ARL6IP6: variants seen among roughly 807,000 people sequenced by gnomAD.
ARL6IP6 encodes ARF like GTPase 6 interacting protein 6, also known as ADP-ribosylation factor-like protein 6-interacting protein 6.
A neutral mutation model predicts 21.5 loss-of-function variants in ARL6IP6; 22 were observed. The ratio of observed to expected loss-of-function variants is 1.02; its 90% CI spans 0.73 to 1.46. The LOEUF (loss-of-function observed/expected upper bound fraction) is 1.46, where lower values mean the gene tolerates loss of function less well. Among genes scored for constraint, ARL6IP6 ranks in the 40% most tolerant of loss-of-function variants. The pLI, the probability that ARL6IP6 is intolerant of heterozygous loss-of-function variation, is 0.00. For missense variants in ARL6IP6, 388 were observed against 299.8 expected (o/e 1.29, Z -2.17); for synonymous variants, 164 against 125.3 (o/e 1.31, Z -2.06).
chr2:152,719,947 A>G, intron 1 of ARL6IP6: 1 of 335,842 alleles, frequency 3.0e-6, no homozygotes, highest in Non-Finnish European at 6.1e-6. Flanking sequence ...ACAATGCTTG[A>G]TTTTCATACA....
At chr2:152,736,045 T>C (rs897177476) in intron 3 of ARL6IP6, among the ~76,000 whole-genome samples, 2 of 152,268 alleles carry the variant, frequency 1.3e-5, no homozygotes, top group South Asian at 2.1e-4. Context: ...AATTTGTATA[T>C]ATGTGTATTA....
chr2:152,723,393 A>G (rs1300125946), intron 2 of ARL6IP6, among the ~76,000 whole-genome samples: 2 of 152,084 alleles, frequency 1.3e-5, no homozygotes, highest in Non-Finnish European at 2.9e-5. Context: ...ATAATGTTTG[A>G]TTGTTTTGTA....
At chr2:152,718,492 T>G (rs1699360280), upstream of ARL6IP6, 2 of 1,323,800 alleles carry the variant, frequency 1.5e-6, no homozygotes, top group African/African-American at 1.5e-5. Context: ...CCGCCCACCC[T>G]TGCTCTCCGT....
rs1278639089 is a variant in ARL6IP6, at chr2:152,760,725, AC to A, written c.*886del. ...GTGTATATATTGTTACTTTAACAGA[AC>A]TTGCATTATTTTGTTTTTAATAAAT... On this transcript the variant is annotated 3_prime_UTR_variant, in exon 4 of 4. Transcript: ENST00000326446. 1 of 152,024 alleles carries A rather than the reference AC, an allele frequency of 6.6e-6. No homozygotes were observed. The highest frequency in any genetic ancestry group is 1.5e-5 in the Non-Finnish European group (1 of 67,956). The allele number at this position is 152,024 out of a possible 1,614,324, so 9.4% of individuals were successfully genotyped here. A position where few individuals can be genotyped will look rare whatever the true frequency, so the allele number is the denominator to read the frequency against.
intron 3 of ARL6IP6, among the ~76,000 whole-genome samples, chr2:152,759,034 C>A (rs1701712574): frequency 6.6e-6 from 1 of 152,080 alleles, no homozygotes; most frequent in Non-Finnish European, 1.5e-5. Context: ...ATGTCTGATT[C>A]TTACTAGGAT....
chr2:152,738,458 A>G (rs963830134), intron 3 of ARL6IP6, among the ~76,000 whole-genome samples: 3 of 152,226 alleles, frequency 2.0e-5, no homozygotes, highest in Middle Eastern at 6.8e-3. Flanking sequence ...TGAGGGCTCC[A>G]CCCCTATAGC....
chr2:152,749,884 C>G (rs573054301), intron 3 of ARL6IP6, among the ~76,000 whole-genome samples: 106 of 152,274 alleles, frequency 7.0e-4, no homozygotes, highest in African/African-American at 2.4e-3. Flanking sequence ...TCTAAAGAAA[C>G]GTTCTGGTTT....
chr2:152,739,500 C>A (rs2105142888), intron 3 of ARL6IP6, among the ~76,000 whole-genome samples: 1 of 152,282 alleles, frequency 6.6e-6, no homozygotes, highest in Middle Eastern at 3.4e-3. Context: ...CTGTTGGAGA[C>A]CACCTCAACC....
chr2:152,725,224 T>C (rs2105096694), intron 2 of ARL6IP6, among the ~76,000 whole-genome samples: 1 of 152,356 alleles, frequency 6.6e-6, no homozygotes, highest in South Asian at 2.1e-4. Context: ...TTGAAATACG[T>C]TTTGGGATTT....
chr2:152,726,468 A>T (rs1282049149), intron 2 of ARL6IP6, among the ~76,000 whole-genome samples: 5 of 152,180 alleles, frequency 3.3e-5, no homozygotes, highest in Non-Finnish European at 7.3e-5. Flanking sequence ...TGCTCTAGGG[A>T]TTTAAAGACT....
chr2:152,717,931 G>T, upstream of ARL6IP6: 1 of 1,006,036 alleles, frequency 9.9e-7, no homozygotes, highest in Non-Finnish European at 1.2e-6. Context: ...CGAGGCGGAG[G>T]GGAGGAGGCG....
chr2:152,749,223 A>G (rs538073821), intron 3 of ARL6IP6, among the ~76,000 whole-genome samples: 1 of 152,098 alleles, frequency 6.6e-6, no homozygotes, highest in South Asian at 2.1e-4. Flanking sequence ...AAGTCTAGAT[A>G]TAAATAATGG....
intron 3 of ARL6IP6, among the ~76,000 whole-genome samples, chr2:152,753,036 G>A (rs559806413): frequency 2.0e-4 from 31 of 152,136 alleles, no homozygotes; most frequent in Admixed American, 1.6e-3. Flanking sequence ...TACTTGGGAG[G>A]CTGGAGTGGG....
intron 2 of ARL6IP6, among the ~76,000 whole-genome samples, chr2:152,731,524 T>C (rs1365025380): frequency 6.6e-6 from 1 of 152,198 alleles, no homozygotes; most frequent in African/African-American, 2.4e-5. Context: ...AAACCTGTTT[T>C]AAAGACGCAG....
rs546670080 is a variant in ARL6IP6, at chr2:152,737,952, T to C, written c.587+2826T>C. ...TAAGTCCACAGTCCCAGGTCTCATC[T>C]GAGACAAGGAAAGTCCCTTCTGCCT... On this transcript the variant is annotated intron_variant, in intron 3 of 3. Coordinates refer to ENST00000326446, the MANE Select transcript of ARL6IP6 (RefSeq NM_152522.7). Among the ~76,000 whole-genome samples the C allele has an allele frequency of 8.0e-4, 122 of 152,314 alleles. 1 individual carries two copies. Among genetic ancestry groups the C allele is most frequent in the Admixed American group, 2.5e-3 (38 of 15,308 alleles).
At position 152,747,537 on chromosome 2, in the gene ARL6IP6, GCAGTA is replaced by G. The variant is rs539377649; in HGVS notation, c.588-12208_588-12204del. Among the ~76,000 whole-genome samples, 504 of 151,740 alleles carry G rather than the reference GCAGTA, an allele frequency of 3.3e-3. 3 individuals carry two copies. Among genetic ancestry groups the G allele is most frequent in the African/African-American group, 0.011 (449 of 41,416 alleles). ...TCACAAGATTCTGTTATCTTCGAAG[GCAGTA>G]CTGACTCCTTACTCATTTCTCTCTC... On this transcript the variant is annotated intron_variant, in intron 3 of 3. Coordinates refer to ENST00000326446, the MANE Select transcript of ARL6IP6 (RefSeq NM_152522.7).
At chr2:152,734,692 C>T (rs1574036021) in intron 2 of ARL6IP6, among the ~76,000 whole-genome samples, 3 of 152,218 alleles carry the variant, frequency 2.0e-5, no homozygotes, top group East Asian at 3.9e-4. Context: ...ATGTTTTGAC[C>T]ATGTTTTCTG....
At chr2:152,730,549 T>A (rs1700259802) in intron 2 of ARL6IP6, among the ~76,000 whole-genome samples, 1 of 152,164 alleles carries the variant, frequency 6.6e-6, no homozygotes, top group South Asian at 2.1e-4. Context: ...TTTTTTTTTT[T>A]ACCCTCTATC....
intron 3 of ARL6IP6, among the ~76,000 whole-genome samples, chr2:152,748,225 A>G (rs1307737910): frequency 2.0e-5 from 3 of 152,238 alleles, no homozygotes; most frequent in East Asian, 3.8e-4. Context: ...TTAAATAACA[A>G]TGGTCAAGTT....
Sources: gnomAD v4.1 joint callset for allele counts (sites outside exome capture counted in the v4.1 genomes callset) on GRCh38, gnomAD v4.1.1 for gene constraint, MANE v1.5 for transcripts, NCBI Gene and HGNC (gene_info 2026-07-23, HGNC 2026-07-21) for gene names.